GRIP1: variants seen among roughly 807,000 people sequenced by gnomAD.
GRIP1 encodes the protein glutamate receptor interacting protein 1.
A neutral mutation model predicts 129.9 loss-of-function variants in GRIP1; 45 were observed. The ratio of observed to expected loss-of-function variants is 0.35; its 90% CI spans 0.27 to 0.44. The LOEUF (loss-of-function observed/expected upper bound fraction) is 0.44, where lower values mean the gene tolerates loss of function less well. Ranked by LOEUF, GRIP1 falls within the 20% of genes least tolerant of loss-of-function variation. GRIP1 has a pLI of 1.00. For synonymous variants in GRIP1, 530 were observed against 520.8 expected, an observed-to-expected ratio of 1.02 and a Z score of -0.24; for missense variants, 1,196 against 1,396.8, an observed-to-expected ratio of 0.86 and a Z score of 2.29.
chr12:66,788,330 G>A (rs757444671), intron 1 of GRIP1, among the ~76,000 whole-genome samples: 5 of 151,558 alleles, frequency 3.3e-5, no homozygotes, highest in African/African-American at 4.8e-5. Flanking sequence ...CAGTCTGCTG[G>A]AATTTTATTT....
chr12:66,868,086 G>A (rs981305437), intron 1 of GRIP1, among the ~76,000 whole-genome samples: 3 of 152,108 alleles, frequency 2.0e-5, no homozygotes, highest in African/African-American at 4.8e-5. Flanking sequence ...GGCTATAGAA[G>A]GAAAGCTGCT....
At chr12:67,033,798 A>C (rs1380388767) in intron 1 of GRIP1, among the ~76,000 whole-genome samples, 1 of 152,186 alleles carries the variant, frequency 6.6e-6, no homozygotes, top group Non-Finnish European at 1.5e-5. Flanking sequence ...TGCTTTGTAC[A>C]TTGTTGTGAG....
chr12:66,731,857 G>T (rs1199223320), intron 1 of GRIP1, among the ~76,000 whole-genome samples: 1 of 152,120 alleles, frequency 6.6e-6, no homozygotes, highest in Non-Finnish European at 1.5e-5. Flanking sequence ...TAACAATAGA[G>T]GCAGGGCCTA....
chr12:66,581,359 G>T (rs905306961), intron 2 of GRIP1, among the ~76,000 whole-genome samples: 5 of 150,888 alleles, frequency 3.3e-5, no homozygotes, highest in African/African-American at 9.8e-5. Flanking sequence ...AAAAGCAAGA[G>T]CAAACACATT....
At chr12:66,930,844 G>A (rs1012227551) in intron 1 of GRIP1, among the ~76,000 whole-genome samples, 18 of 152,136 alleles carry the variant, frequency 1.2e-4, no homozygotes, top group African/African-American at 4.1e-4. Flanking sequence ...AGAGCTCTTA[G>A]CCTCTAAATC....
At chr12:66,770,358 C>T (rs547539145) in intron 1 of GRIP1, among the ~76,000 whole-genome samples, 41 of 152,272 alleles carry the variant, frequency 2.7e-4, no homozygotes, top group Admixed American at 5.9e-4. Flanking sequence ...GAGTATAATT[C>T]AGTATGAAGT....
intron 1 of GRIP1, among the ~76,000 whole-genome samples, chr12:66,640,087 C>T (rs923779909): frequency 6.6e-6 from 1 of 152,180 alleles, no homozygotes; most frequent in African/African-American, 2.4e-5. Context: ...CTCCTGAAAG[C>T]CTCCACCAAC....
intron 1 of GRIP1, among the ~76,000 whole-genome samples, chr12:66,875,098 T>A (rs187674760): frequency 6.6e-6 from 1 of 152,154 alleles, no homozygotes; most frequent in Admixed American, 6.6e-5. Flanking sequence ...TAATAAGCAT[T>A]TGTAAAATGA....
At chr12:66,838,635 A>G (rs941001714) in intron 1 of GRIP1, among the ~76,000 whole-genome samples, 1 of 152,342 alleles carries the variant, frequency 6.6e-6, no homozygotes. Context: ...AATAGTAGAG[A>G]AAAAGTACAA....
At chr12:66,360,777 C>T (rs948456401) in intron 23 of GRIP1, among the ~76,000 whole-genome samples, 25 of 152,184 alleles carry the variant, frequency 1.6e-4, no homozygotes, top group African/African-American at 6.0e-4. Flanking sequence ...ATGTGAAAGG[C>T]TTTAACTGCA....
intron 1 of GRIP1, among the ~76,000 whole-genome samples, chr12:66,670,172 AT>A (rs1296474122): frequency 6.6e-6 from 1 of 152,210 alleles, no homozygotes; most frequent in Non-Finnish European, 1.5e-5. Flanking sequence ...AAGAGCTGAG[AT>A]GCTCAGAACA....
chr12:66,885,604 A>G (rs866938197), intron 1 of GRIP1, among the ~76,000 whole-genome samples: 3 of 151,982 alleles, frequency 2.0e-5, no homozygotes, highest in Middle Eastern at 6.8e-3. Flanking sequence ...CACTTTAAGT[A>G]GCAGATGGGG....
At chr12:66,801,925 T>C (rs1012513073) in intron 1 of GRIP1, among the ~76,000 whole-genome samples, 1 of 152,128 alleles carries the variant, frequency 6.6e-6, no homozygotes, top group African/African-American at 2.4e-5. Flanking sequence ...GTTTAAATTA[T>C]GCCAAAAACT....
chr12:66,736,346 A>AT lies in GRIP1; in HGVS notation c.-420+67706dup, dbSNP rs547706592. Among the ~76,000 whole-genome samples, 13 of 67,022 alleles carry AT rather than the reference A, an allele frequency of 1.9e-4. 2 individuals carry two copies. Among genetic ancestry groups the AT allele is most frequent in the Non-Finnish European group, 3.3e-4 (12 of 36,460 alleles). 44.0% of individuals were successfully genotyped at this position (67,022 alleles called of 152,430 possible). On this transcript the variant is annotated intron_variant, in intron 1 of 4. Coordinates refer to the GRIP1 transcript ENST00000538373. ...AGGTGTGCACCACCGTGCCTGGCTA[A>AT]TTTTTTTTTTTTTTTTTTTTTTTTT...
intron 23 of GRIP1, among the ~76,000 whole-genome samples, chr12:66,354,485 C>A (rs1217227722): frequency 6.6e-6 from 1 of 152,218 alleles, no homozygotes; most frequent in Non-Finnish European, 1.5e-5. Context: ...CAAGCTCTCA[C>A]CGCACTGGGC....
At chr12:66,834,520 A>G (rs142303898) in intron 1 of GRIP1, among the ~76,000 whole-genome samples, 113 of 152,338 alleles carry the variant, frequency 7.4e-4, no homozygotes, top group African/African-American at 2.5e-3. Flanking sequence ...AGGATCAAAG[A>G]AAATCCAAGT....
intron 1 of GRIP1, among the ~76,000 whole-genome samples, chr12:67,053,688 AT>A (rs1243662447): frequency 6.6e-6 from 1 of 151,898 alleles, no homozygotes; most frequent in Non-Finnish European, 1.5e-5. Flanking sequence ...AATACAAAAA[AT>A]TAGCCAGGCG....
intron 1 of GRIP1, among the ~76,000 whole-genome samples, chr12:66,709,442 T>C (rs1565980440): frequency 6.6e-6 from 1 of 151,968 alleles, no homozygotes; most frequent in Non-Finnish European, 1.5e-5. Context: ...TTGTTTTTCA[T>C]CCTTTTCGTG....
At chr12:66,488,783 G>T (rs2060026367) in intron 7 of GRIP1, among the ~76,000 whole-genome samples, 1 of 152,076 alleles carries the variant, frequency 6.6e-6, no homozygotes, top group Non-Finnish European at 1.5e-5. Flanking sequence ...AATGATAAGG[G>T]TGATATCACC....
Sources: allele counts gnomAD v4.1 joint callset (sites outside exome capture counted in the v4.1 genomes callset), GRCh38; gene constraint gnomAD v4.1.1; transcripts MANE v1.5; gene names NCBI Gene and HGNC (gene_info 2026-07-23, HGNC 2026-07-21).